Variants in MYH10 observed in about 807,000 individuals in gnomAD.
MYH10 encodes myosin heavy chain 10.
MYH10 carries 55 observed loss-of-function variants against 257.8 expected under a neutral mutation model. The observed-to-expected ratio is 0.21, with a 90% CI of 0.17 to 0.27. The LOEUF (loss-of-function observed/expected upper bound fraction) is 0.27. MYH10 is among the 10% of genes least tolerant of loss of function. MYH10 has a pLI of 1.00. For synonymous variants in MYH10, 854 were observed against 921.7 expected (o/e 0.93, Z 1.33); for missense variants, 1,631 against 2,500.6 (o/e 0.65, Z 7.42).
At chr17:8,526,720 A>T (rs1356154642) in intron 17 of MYH10, among the ~76,000 whole-genome samples, 1 of 152,172 alleles carries the variant, frequency 6.6e-6, no homozygotes, top group Non-Finnish European at 1.5e-5. Context: ...TTGGTACCGA[A>T]TCCTTAACTG....
chr17:8,496,208 G>A (rs1023218607), intron 30 of MYH10, among the ~76,000 whole-genome samples: 2 of 152,214 alleles, frequency 1.3e-5, no homozygotes, highest in African/African-American at 4.8e-5. Flanking sequence ...GACGCAGAGG[G>A]ACGCAGAGGG....
At chr17:8,513,425 A>G in intron 23 of MYH10, 113 bp downstream of exon 23, 1 of 1,450,900 alleles carries the variant, frequency 6.9e-7, no homozygotes, top group East Asian at 2.4e-5. Context: ...CCCATAAAAT[A>G]AGATGATATG....
At position 8,477,791 on chromosome 17, in the gene MYH10, G is replaced by A. The variant is rs113208391; in HGVS notation, c.5706+547C>T. ...CTCACCAGGCAGAGGGCAGGGAGCG[G>A]GAGGGAGGGTATAGCTGCCCACGCT... On this transcript the variant is annotated intron_variant, in intron 41 of 42. Transcript: ENST00000360416. The surrounding 1 kb of genome is among the most constrained non-coding windows in gnomAD (Gnocchi z 4.2). Among the ~76,000 whole-genome samples, 1,686 of 152,314 alleles carry A rather than the reference G, an allele frequency of 0.011. 36 individuals carry two copies. The highest frequency in any genetic ancestry group is 0.037 in the African/African-American group (1,555 of 41,564).
chr17:8,611,047 G>T (rs963787832), intron 2 of MYH10, among the ~76,000 whole-genome samples: 1 of 152,224 alleles, frequency 6.6e-6, no homozygotes, highest in Non-Finnish European at 1.5e-5. Context: ...TTGCTGAGAA[G>T]ATGCTAAGCA....
At chr17:8,544,626 T>C (rs914439327) in intron 13 of MYH10, among the ~76,000 whole-genome samples, 16 of 152,192 alleles carry the variant, frequency 1.1e-4, no homozygotes, top group Admixed American at 6.5e-4. Flanking sequence ...TACCCAATAG[T>C]GGCTACAGTA....
intron 40 of MYH10, among the ~76,000 whole-genome samples, chr17:8,479,906 C>G (rs1282177679): frequency 1.3e-5 from 2 of 152,234 alleles, no homozygotes; most frequent in African/African-American, 2.4e-5. Flanking sequence ...CCTTCCCTGA[C>G]TGTTCACGGA....
At chr17:8,527,422 C>T (rs2081880688) in intron 17 of MYH10, among the ~76,000 whole-genome samples, 2 of 152,230 alleles carry the variant, frequency 1.3e-5, no homozygotes, top group South Asian at 4.1e-4. Flanking sequence ...ACAGGAAGCC[C>T]CTCTTTGCCT....
intron 9 of MYH10, 52 bp downstream of exon 9, chr17:8,551,994 T>A (rs889227695): frequency 4.6e-5 from 49 of 1,054,656 alleles, no homozygotes; most frequent in Non-Finnish European, 6.3e-5. Context: ...CAAAAAAAAA[T>A]TAAAAGAGAT....
chr17:8,520,579 C>T lies in MYH10; in HGVS notation c.2273+299G>A, dbSNP rs1440708755. On this transcript the variant is annotated intron_variant, in intron 19 of 42. Coordinates refer to ENST00000360416, the MANE Select transcript of MYH10 (RefSeq NM_001256012.3). ...TCTGAATGAGTAAACTGTAAGCTTT[C>T]AGCTTTCTATGTTTATCTCAAAGCT... 3.9e-5 allele frequency among the ~76,000 whole-genome samples: 6 copies of T among 152,324 alleles called. No homozygotes were observed. In the East Asian group the frequency reaches 1.2e-3, roughly 29 times the overall value.
At chr17:8,609,555 T>C (rs954813660) in intron 2 of MYH10, among the ~76,000 whole-genome samples, 50 of 152,174 alleles carry the variant, frequency 3.3e-4, no homozygotes, top group African/African-American at 1.0e-3. Context: ...TAACAGAATA[T>C]AGTATAACAT....
At chr17:8,521,939 A>G (rs1019844230) in intron 17 of MYH10, among the ~76,000 whole-genome samples, 1 of 152,218 alleles carries the variant, frequency 6.6e-6, no homozygotes, top group African/African-American at 2.4e-5. Flanking sequence ...GAAAAGATAA[A>G]TGACTAAGCT....
Position 8,484,128 on chromosome 17 carries a change from A to G in MYH10, c.5175+10T>C, listed in dbSNP as rs1313269134. 1.3e-6 allele frequency: 2 copies of G among 1,580,350 alleles called. No individual in the cohort carries two copies. The highest frequency in any genetic ancestry group is 1.7e-6 in the Non-Finnish European group (2 of 1,169,476). On this transcript the variant is annotated intron_variant, in intron 37 of 42. Coordinates refer to ENST00000360416, the MANE Select transcript of MYH10 (RefSeq NM_001256012.3). ...TATTTGTTGAACAAATGGATAAGTA[A>G]CAAACCAACCTCCTGCAATTGAAGG...
chr17:8,476,115 C>T (rs1367546916), intron 42 of MYH10, among the ~76,000 whole-genome samples, 167 bp from the exon 43 acceptor site: 1 of 152,220 alleles, frequency 6.6e-6, no homozygotes, highest in East Asian at 1.9e-4. Context: ...TGCTTTTCTG[C>T]CTCTCCCACA....
intron 25 of MYH10, 89 bp downstream of exon 25, chr17:8,509,723 T>C: frequency 4.8e-6 from 6 of 1,249,604 alleles, no homozygotes; most frequent in Middle Eastern, 2.4e-4. Context: ...AATTTCTGTT[T>C]GAGTTCACTT....
intron 2 of MYH10, among the ~76,000 whole-genome samples, chr17:8,608,082 T>C (rs1038535573): frequency 6.6e-6 from 1 of 152,206 alleles, no homozygotes; most frequent in East Asian, 1.9e-4. Context: ...AAGACCAGCA[T>C]AGCAAAAATA....
In MYH10 at chr17:8,615,364, T is replaced by C. The variant is rs184850148; in HGVS notation, c.345+7538A>G. Among the ~76,000 whole-genome samples, 60 of 152,206 alleles carry C rather than the reference T, an allele frequency of 3.9e-4. 1 individual carries two copies. Among genetic ancestry groups the C allele is most frequent in the Middle Eastern group, 3.4e-3 (1 of 294 alleles). On this transcript the variant is annotated intron_variant, in intron 2 of 42. Transcript: ENST00000360416. The stretch of plus-strand genomic sequence containing the variant: ...AAACTTTCCCACAAAGAAAACTCTA[T>C]CATTACTTTAAAAAGAAATAACATC...
rs1220947816 is a variant in MYH10, at chr17:8,477,413, T to G, written c.5707-365A>C. ...TGGAAGAACCAGCAATGTGGGACAA[T>G]CCCCAGCCCAGAAGATGGTACAATG... is the stretch of plus-strand genomic sequence containing the variant. On this transcript the variant is annotated intron_variant, in intron 41 of 42. Coordinates refer to ENST00000360416, the MANE Select transcript of MYH10 (RefSeq NM_001256012.3). The surrounding 1 kb of genome is among the most constrained non-coding windows in gnomAD (Gnocchi z 4.2). 6.6e-6 allele frequency among the ~76,000 whole-genome samples: 1 copy of G among 152,050 alleles called. No individual in the cohort carries two copies. The highest frequency in any genetic ancestry group is 1.9e-4 in the East Asian group (1 of 5,172).
In MYH10 at chr17:8,480,414, C is replaced by T. The variant is rs1440660628; in HGVS notation, c.5376G>A (p.Lys1792=). The T allele has an allele frequency of 6.2e-7, 1 of 1,613,340 alleles. No individual in the cohort carries two copies. The highest frequency in any genetic ancestry group is 1.3e-5 in the African/African-American group (1 of 74,904). Residue 1792 remains lysine (K), a synonymous_variant, in exon 39 of 43, where the codon AAG becomes AAA. Transcript: ENST00000360416. Reference sequence around the variant, plus strand: ...CTGCATGGGCCACCTGTAGAGTGGTCTTGCGGAAGCGGTCGTTGAGCAGCT... The same window carrying T: ...CTGCATGGGCCACCTGTAGAGTGGTTTTGCGGAAGCGGTCGTTGAGCAGCT... ...NMELLNDRFR[K]TTLQVDTLNA...
At chr17:8,611,859 G>T (rs186433841) in intron 2 of MYH10, among the ~76,000 whole-genome samples, 1 of 152,258 alleles carries the variant, frequency 6.6e-6, no homozygotes, top group East Asian at 1.9e-4. Flanking sequence ...TAATGGCTAA[G>T]AATTTTCCCG....
Sources: allele counts gnomAD v4.1 joint callset (sites outside exome capture counted in the v4.1 genomes callset), GRCh38; gene constraint gnomAD v4.1.1; non-coding constraint Gnocchi (gnomAD v3.1); transcripts MANE v1.5; gene names NCBI Gene and HGNC (gene_info 2026-07-23, HGNC 2026-07-21).